FBXO34: variants seen among roughly 807,000 people sequenced by gnomAD.
FBXO34 encodes F-box only protein 34.
FBXO34 carries 12 observed loss-of-function variants against 24.5 expected under a neutral mutation model. That is an observed-to-expected ratio of 0.49 (90% CI 0.31 to 0.79). The LOEUF (loss-of-function observed/expected upper bound fraction) is 0.79. Among genes scored for constraint, FBXO34 ranks in the 30% least tolerant of loss-of-function variants. The pLI is 0.04. For synonymous variants in FBXO34, 320 were observed against 311.9 expected (o/e 1.03, Z -0.27); for missense variants, 823 against 857.7 (o/e 0.96, Z 0.51).
At chr14:55,379,264 A>G in the FBXO34 span, among the ~76,000 whole-genome samples, 44,961 of 151,874 alleles carry the variant, frequency 0.3, 7,002 homozygotes, top group Non-Finnish European at 0.33. Flanking sequence ...GGCCGGGTGC[A>G]GTGGTTCATG....
chr14:55,332,378 T>C lies in FBXO34; in HGVS notation c.-10-18003T>C, dbSNP rs184313471. ...GTTACTGTCCTTCAAAGTGTCGTTA[T>C]GTAAAAATGAACTGATTTTTAAAAG... On this transcript the variant is annotated intron_variant, in intron 1 of 1. Transcript: ENST00000313833. 5.3e-4 allele frequency among the ~76,000 whole-genome samples: 80 copies of C among 152,304 alleles called. 1 individual carries two copies. Among genetic ancestry groups the C allele is most frequent in the African/African-American group, 1.8e-3 (75 of 41,584 alleles).
chr14:55,416,101 G>T, the FBXO34 span, among the ~76,000 whole-genome samples: 1 of 152,122 alleles, frequency 6.6e-6, no homozygotes, highest in Non-Finnish European at 1.5e-5. Flanking sequence ...GGAATGGGGG[G>T]AATGGTTTAA....
At chr14:55,310,700 A>T (rs1433304292) in intron 1 of FBXO34, among the ~76,000 whole-genome samples, 1 of 152,236 alleles carries the variant, frequency 6.6e-6, no homozygotes, top group African/African-American at 2.4e-5. Flanking sequence ...TACCAAATCC[A>T]TACAAATCGA....
chr14:55,397,373 C>G, the FBXO34 span: 3 of 1,612,994 alleles, frequency 1.9e-6, no homozygotes, highest in Middle Eastern at 1.6e-4. Flanking sequence ...AACACTCACT[C>G]TTTCTGAAAT....
At chr14:55,436,891 T>C in the FBXO34 span, 6 of 1,614,104 alleles carry the variant, frequency 3.7e-6, no homozygotes, top group African/African-American at 2.7e-5. Flanking sequence ...AGATGAGAAA[T>C]CACCAGATGT....
downstream of FBXO34, among the ~76,000 whole-genome samples, chr14:55,354,901 C>T (rs1884497535): frequency 6.6e-6 from 1 of 152,074 alleles, no homozygotes; most frequent in Admixed American, 6.5e-5. Context: ...TCACAGAATT[C>T]AAGAAAGGAC....
chr14:55,421,911 T>G, the FBXO34 span, among the ~76,000 whole-genome samples: 1 of 152,242 alleles, frequency 6.6e-6, no homozygotes, highest in African/African-American at 2.4e-5. Context: ...TCAGGTAATA[T>G]AAAAGTCTCA....
In FBXO34 at chr14:55,351,460, G is replaced by T. The variant is rs1317415064; in HGVS notation, c.1070G>T (p.Arg357Leu). The T allele has an allele frequency of 1.2e-6, 2 of 1,614,180 alleles. No homozygotes were observed. Among genetic ancestry groups the T allele is most frequent in the Admixed American group, 3.3e-5 (2 of 60,018 alleles). ...SVDCGPSRADRCSPKEDQAWD... is the reference protein window; with the variant it reads ...SVDCGPSRADLCSPKEDQAWD... Reference sequence around the variant, plus strand: ...GATTGTGGCCCTTCAAGAGCTGATCGTTGTTCTCCTAAGGAGGACCAGGCC... The same window carrying T: ...GATTGTGGCCCTTCAAGAGCTGATCTTTGTTCTCCTAAGGAGGACCAGGCC... Residue 357 changes from arginine (R) to leucine (L), a missense_variant, in exon 2 of 2, where the codon CGT becomes CTT. Coordinates refer to ENST00000313833, the MANE Select transcript of FBXO34 (RefSeq NM_017943.4).
chr14:55,428,187 T>G, the FBXO34 span, among the ~76,000 whole-genome samples: 1 of 129,784 alleles, frequency 7.7e-6, no homozygotes, highest in Non-Finnish European at 1.6e-5. Context: ...TGGAGTCCAG[T>G]GGCGCGAGGT....
the FBXO34 span, among the ~76,000 whole-genome samples, chr14:55,429,766 C>CAAAAA: frequency 4.2e-4 from 22 of 52,332 alleles, no homozygotes; most frequent in South Asian, 7.9e-4. Flanking sequence ...AACTCCGTCT[C>CAAAAA]AAAAAAAAAA....
intron 1 of FBXO34, among the ~76,000 whole-genome samples, chr14:55,291,233 T>G (rs1881935635): frequency 6.6e-6 from 1 of 152,138 alleles, no homozygotes; most frequent in Non-Finnish European, 1.5e-5. Flanking sequence ...CTGACACAGT[T>G]TTTGTATTTG....
chr14:55,419,937 A>T, the FBXO34 span, among the ~76,000 whole-genome samples: 3 of 152,298 alleles, frequency 2.0e-5, no homozygotes, highest in Admixed American at 2.0e-4. Context: ...TCTGTAGAGT[A>T]CCCAGTTGTG....
At chr14:55,405,252 G>T in the FBXO34 span, among the ~76,000 whole-genome samples, 2 of 152,342 alleles carry the variant, frequency 1.3e-5, no homozygotes, top group East Asian at 3.9e-4. Flanking sequence ...ACTGAAGGGA[G>T]AACAGAAGTA....
chr14:55,386,358 C>T, the FBXO34 span, among the ~76,000 whole-genome samples: 5 of 152,182 alleles, frequency 3.3e-5, no homozygotes, highest in East Asian at 1.9e-4. Flanking sequence ...CAACAACTAT[C>T]GAGTTTAAGT....
chr14:55,300,952 G>C (rs926380230), intron 1 of FBXO34, among the ~76,000 whole-genome samples: 3 of 152,148 alleles, frequency 2.0e-5, no homozygotes, highest in Admixed American at 2.0e-4. Context: ...GTGAATTTTA[G>C]AATTTGATTT....
At chr14:55,369,634 G>GT, downstream of FBXO34, 1 of 1,529,614 alleles carries the variant, frequency 6.5e-7, no homozygotes, top group Non-Finnish European at 8.8e-7. Flanking sequence ...GGTGTCCAGT[G>GT]TAAGCTTTAA....
the FBXO34 span, among the ~76,000 whole-genome samples, chr14:55,394,735 C>G: frequency 6.6e-6 from 1 of 152,062 alleles, no homozygotes; most frequent in African/African-American, 2.4e-5. Context: ...AACACGGGAA[C>G]AGAAGTAATT....
chr14:55,425,236 A>C, the FBXO34 span, among the ~76,000 whole-genome samples: 2 of 152,174 alleles, frequency 1.3e-5, no homozygotes, highest in Admixed American at 6.5e-5. Context: ...ACTCTGTCTT[A>C]CTGCAGGGAG....
rs758804849 is a variant in FBXO34, at chr14:55,351,883, A to G, written c.1493A>G (p.Asn498Ser). 12 of 1,614,172 alleles carry G rather than the reference A, an allele frequency of 7.4e-6. No individual in the cohort carries two copies. Among genetic ancestry groups the G allele is most frequent in the South Asian group, 5.5e-5 (5 of 91,076 alleles). ...GQHLSDYSQL[N>S]ESTTKESSEA... ...CACTTGTCAGACTATTCCCAGTTGA[A>G]TGAAAGCACAACAAAAGAGTCTTCA... is the stretch of plus-strand genomic sequence containing the variant. Residue 498 changes from asparagine to serine, a missense_variant, in exon 2 of 2, where the codon AAT becomes AGT. Around this residue, in one of 2 missense-constraint regions of FBXO34, gnomAD observed 693 missense variants for 659.1 expected, o/e 1.05. Transcript: ENST00000313833.
Sources: gnomAD v4.1 joint callset for allele counts (sites outside exome capture counted in the v4.1 genomes callset) on GRCh38, gnomAD v4.1.1 for gene constraint, gnomAD v4.1.1 regional missense constraint, MANE v1.5 for transcripts, NCBI Gene and HGNC (gene_info 2026-07-23, HGNC 2026-07-21) for gene names.